The following MECOM variants were observed in gnomAD, a reference collection of about 807,000 sequenced individuals.
The protein encoded by MECOM is MDS1 and EVI1 complex locus.
In MECOM, 13 loss-of-function variants were observed where a neutral mutation model predicts 116.3. The ratio of observed to expected loss-of-function variants is 0.11; its 90% CI spans 0.07 to 0.18. The LOEUF is 0.18. MECOM is among the 10% of genes least tolerant of loss of function. MECOM has a pLI of 1.00. For missense variants in MECOM, 1,299 were observed against 1,509.0 expected (o/e 0.86, Z 2.31); for synonymous variants, 528 against 535.2 (o/e 0.99, Z 0.19).
At chr3:169,258,676 A>G (rs1259536237) in intron 2 of MECOM, among the ~76,000 whole-genome samples, 1 of 152,184 alleles carries the variant, frequency 6.6e-6, no homozygotes, top group South Asian at 2.1e-4. Flanking sequence ...CGCTGTCTGA[A>G]AACTGAAGAT....
At chr3:169,208,684 G>A (rs908560715) in intron 2 of MECOM, among the ~76,000 whole-genome samples, 23 of 151,972 alleles carry the variant, frequency 1.5e-4, no homozygotes, top group African/African-American at 5.3e-4. Flanking sequence ...CACTGGTCAG[G>A]AAATAAGAGA....
intron 1 of MECOM, among the ~76,000 whole-genome samples, chr3:169,523,904 T>G (rs979651865): frequency 8.8e-5 from 13 of 147,316 alleles, no homozygotes; most frequent in Non-Finnish European, 1.6e-4. Context: ...TACATACCTG[T>G]ATATGCATAT....
At chr3:169,649,428 AAT>A (rs1553907055) in intron 1 of MECOM, among the ~76,000 whole-genome samples, 1 of 151,198 alleles carries the variant, frequency 6.6e-6, no homozygotes, top group African/African-American at 2.4e-5. Flanking sequence ...AAAAAAAAAA[AAT>A]AGGAAAACAA....
intron 1 of MECOM, among the ~76,000 whole-genome samples, chr3:169,402,520 A>T (rs953533968): frequency 1.3e-5 from 2 of 152,152 alleles, no homozygotes; most frequent in African/African-American, 4.8e-5. Flanking sequence ...GCTGGGCATG[A>T]TGGCGCATGC....
chr3:169,237,701 A>C (rs1031878330), intron 2 of MECOM, among the ~76,000 whole-genome samples: 3 of 152,056 alleles, frequency 2.0e-5, no homozygotes, highest in African/African-American at 7.2e-5. Context: ...TATGCTTCCC[A>C]AAAATCACTG....
chr3:169,179,873 A>G (rs1431078302), intron 2 of MECOM, among the ~76,000 whole-genome samples: 1 of 152,066 alleles, frequency 6.6e-6, no homozygotes, highest in African/African-American at 2.4e-5. Context: ...GCTCACATTG[A>G]TAGTATGTTA....
intron 2 of MECOM, among the ~76,000 whole-genome samples, chr3:169,232,784 G>A (rs556125129): frequency 1.3e-5 from 2 of 152,150 alleles, no homozygotes; most frequent in African/African-American, 4.8e-5. Context: ...CAAAGCTTCA[G>A]TGAATATTTG....
Position 169,126,983 on chromosome 3 carries a change from A to T in MECOM, c.830+861T>A, listed in dbSNP as rs570402573. Among the ~76,000 whole-genome samples the T allele has an allele frequency of 3.3e-4, 50 of 152,224 alleles. 1 individual carries two copies. Among genetic ancestry groups the T allele is most frequent in the African/African-American group, 1.2e-3 (48 of 41,566 alleles). On this transcript the variant is annotated intron_variant, in intron 5 of 16. Transcript: ENST00000651503. ...ATGTTCATTTAAAATTCTGATTACA[A>T]GTTTCAAGGATAATTTCCAGATTTA...
In MECOM at chr3:169,570,887, G is replaced by A. The variant is rs567044836; in HGVS notation, c.37+92449C>T. Among the ~76,000 whole-genome samples the A allele has an allele frequency of 1.4e-3, 211 of 152,268 alleles. 2 individuals carry two copies. Among genetic ancestry groups the A allele is most frequent in the Admixed American group, 3.1e-3 (48 of 15,304 alleles). On this transcript the variant is annotated intron_variant, in intron 1 of 16. Coordinates refer to ENST00000651503, the MANE Select transcript of MECOM (RefSeq NM_004991.4). ...ACAAACCCACAGTCTACATCATACT[G>A]AGTGGGCAAAAGCTGGAAACATTCC... is the stretch of plus-strand genomic sequence containing the variant.
At chr3:169,501,495 T>C (rs984892410) in intron 1 of MECOM, among the ~76,000 whole-genome samples, 3 of 152,068 alleles carry the variant, frequency 2.0e-5, no homozygotes, top group Admixed American at 1.3e-4. Context: ...AAACCTCTTA[T>C]TGGAGGCCAC....
chr3:169,354,222 C>A (rs968393469), intron 2 of MECOM, among the ~76,000 whole-genome samples: 1 of 151,726 alleles, frequency 6.6e-6, no homozygotes, highest in African/African-American at 2.4e-5. Context: ...ATCTCAAACC[C>A]CAGTAAATAA....
intron 3 of MECOM, among the ~76,000 whole-genome samples, chr3:169,134,925 C>T (rs1255878210): frequency 6.6e-6 from 1 of 151,974 alleles, no homozygotes; most frequent in Non-Finnish European, 1.5e-5. Context: ...TCAGGCCTTT[C>T]AGAAAATATA....
At chr3:169,375,068 T>C (rs1249366931) in intron 2 of MECOM, among the ~76,000 whole-genome samples, 1 of 151,770 alleles carries the variant, frequency 6.6e-6, no homozygotes, top group African/African-American at 2.4e-5. Context: ...AGGTCATAGA[T>C]GATATTATGG....
chr3:169,374,487 C>A (rs547375585), intron 2 of MECOM, among the ~76,000 whole-genome samples: 13 of 152,006 alleles, frequency 8.6e-5, no homozygotes, highest in Admixed American at 2.6e-4. Flanking sequence ...GGAGAATACA[C>A]CTTTGCAAGC....
chr3:169,378,425 GAA>G (rs1033369063), intron 2 of MECOM, among the ~76,000 whole-genome samples: 13 of 72,452 alleles, frequency 1.8e-4, no homozygotes, highest in African/African-American at 1.3e-3. Flanking sequence ...AAGAAAGAAA[GAA>G]AGAAAGAAAG....
At chr3:169,139,120 A>C (rs1737298608) in intron 3 of MECOM, among the ~76,000 whole-genome samples, 1 of 152,140 alleles carries the variant, frequency 6.6e-6, no homozygotes, top group African/African-American at 2.4e-5. Context: ...AGAATCCTTA[A>C]GTGAATTCTG....
At chr3:169,442,687 A>G (rs555308119) in intron 1 of MECOM, among the ~76,000 whole-genome samples, 1 of 152,328 alleles carries the variant, frequency 6.6e-6, no homozygotes, top group African/African-American at 2.4e-5. Flanking sequence ...ACAAATAAGA[A>G]GAGTTTTCTA....
intron 1 of MECOM, among the ~76,000 whole-genome samples, chr3:169,563,698 G>A (rs1173904457): frequency 1.3e-5 from 2 of 152,070 alleles, no homozygotes; most frequent in Non-Finnish European, 2.9e-5. Flanking sequence ...GTGCTGGACA[G>A]GACACTACGC....
intron 2 of MECOM, among the ~76,000 whole-genome samples, chr3:169,249,989 T>C (rs1043364168): frequency 6.6e-6 from 1 of 152,174 alleles, no homozygotes; most frequent in African/African-American, 2.4e-5. Flanking sequence ...ATTCTGCATA[T>C]GATTAAGCAC....
Sources: allele counts gnomAD v4.1 joint callset (sites outside exome capture counted in the v4.1 genomes callset), GRCh38; gene constraint gnomAD v4.1.1; transcripts MANE v1.5; gene names NCBI Gene and HGNC (gene_info 2026-07-23, HGNC 2026-07-21).